RIMS2: variants seen among roughly 807,000 people sequenced by gnomAD.
RIMS2 encodes the protein regulating synaptic membrane exocytosis 2.
In RIMS2, 59 loss-of-function variants were observed where a neutral mutation model predicts 174.4. The ratio of observed to expected loss-of-function variants is 0.34; its 90% CI spans 0.27 to 0.42. The LOEUF is 0.42. RIMS2 is among the 10% of genes least tolerant of loss of function. RIMS2 has a pLI of 1.00. For missense variants in RIMS2, 1,620 were observed against 1,666.3 expected (o/e 0.97, Z 0.48); for synonymous variants, 606 against 572.5 (o/e 1.06, Z -0.84).
intron 4 of RIMS2, among the ~76,000 whole-genome samples, chr8:103,892,580 C>T (rs2099253111): frequency 6.6e-6 from 1 of 152,088 alleles, no homozygotes. Context: ...TATGTATTCA[C>T]TCCACCTATC....
At chr8:103,825,832 T>A (rs990986849) in intron 3 of RIMS2, among the ~76,000 whole-genome samples, 9 of 152,200 alleles carry the variant, frequency 5.9e-5, no homozygotes, top group African/African-American at 1.7e-4. Context: ...TAAATGATAC[T>A]TATCTACAGT....
intron 14 of RIMS2, among the ~76,000 whole-genome samples, chr8:103,953,841 C>G (rs995629885): frequency 1.3e-5 from 2 of 151,980 alleles, no homozygotes; most frequent in African/African-American, 4.8e-5. Context: ...CATCAGTGTG[C>G]TGTATTCAGG....
At chr8:103,705,834 C>CT (rs1282375110) in intron 2 of RIMS2, among the ~76,000 whole-genome samples, 703 of 141,710 alleles carry the variant, frequency 5.0e-3, no homozygotes, top group East Asian at 0.012. Flanking sequence ...ATATTTGGAT[C>CT]TTTTTTTTTT....
At chr8:103,731,607 T>C (rs1000471611) in intron 2 of RIMS2, among the ~76,000 whole-genome samples, 3 of 152,204 alleles carry the variant, frequency 2.0e-5, no homozygotes, top group Non-Finnish European at 4.4e-5. Context: ...TTTCTAAATC[T>C]TGTAGTCCTG....
chr8:103,934,266 C>A (rs2154533782), intron 12 of RIMS2, among the ~76,000 whole-genome samples: 1 of 152,088 alleles, frequency 6.6e-6, no homozygotes, highest in African/African-American at 2.4e-5. Flanking sequence ...TTTGATGATT[C>A]ATTAAAAGAT....
chr8:104,006,323 G>A (rs950589110), intron 17 of RIMS2, among the ~76,000 whole-genome samples: 2 of 152,226 alleles, frequency 1.3e-5, no homozygotes, highest in South Asian at 4.1e-4. Context: ...GCCGAGGTGG[G>A]CGGATCACCT....
At chr8:104,214,946 C>T (rs1255300120) in intron 19 of RIMS2, among the ~76,000 whole-genome samples, 4 of 152,136 alleles carry the variant, frequency 2.6e-5, no homozygotes, top group East Asian at 1.9e-4. Flanking sequence ...GAATGTTTTC[C>T]GTGGGCTCTT....
intron 19 of RIMS2, among the ~76,000 whole-genome samples, chr8:104,119,381 A>C (rs1295346570): frequency 6.6e-6 from 1 of 152,000 alleles, no homozygotes; most frequent in Non-Finnish European, 1.5e-5. Context: ...AAACAAAAAA[A>C]ACCCATAATT....
intron 1 of RIMS2, among the ~76,000 whole-genome samples, chr8:103,519,507 C>T (rs1244833442): frequency 6.6e-6 from 1 of 152,068 alleles, no homozygotes; most frequent in Non-Finnish European, 1.5e-5. Context: ...CATTTCTCAG[C>T]TTTGTCCCAG....
At chr8:103,904,220 T>C (rs2073878917) in intron 4 of RIMS2, among the ~76,000 whole-genome samples, 1 of 152,116 alleles carries the variant, frequency 6.6e-6, no homozygotes, top group Non-Finnish European at 1.5e-5. Context: ...TGAGTTTTTT[T>C]CCAATTCATA....
chr8:104,253,287 C>A (rs1024053658), downstream of RIMS2: 10 of 152,028 alleles, frequency 6.6e-5, no homozygotes, highest in Non-Finnish European at 1.2e-4. Context: ...GTTTTTTAAT[C>A]ATTTAAAGCA....
At chr8:103,522,469 A>G (rs937093242) in intron 1 of RIMS2, among the ~76,000 whole-genome samples, 1 of 152,132 alleles carries the variant, frequency 6.6e-6, no homozygotes, top group Non-Finnish European at 1.5e-5. Context: ...AGACAGTGTT[A>G]CTAGTGGCAG....
chr8:103,510,384 C>A (rs1203348895), intron 1 of RIMS2, among the ~76,000 whole-genome samples: 1 of 152,146 alleles, frequency 6.6e-6, no homozygotes, highest in East Asian at 1.9e-4. Flanking sequence ...AGTCTTCAAT[C>A]TGAAAGAATT....
At chr8:104,003,391 TAGAG>T (rs1197058924) in intron 17 of RIMS2, among the ~76,000 whole-genome samples, 1 of 151,818 alleles carries the variant, frequency 6.6e-6, no homozygotes, top group Non-Finnish European at 1.5e-5. Flanking sequence ...TCTGGAATGA[TAGAG>T]AGTGTTCCAC....
intron 3 of RIMS2, among the ~76,000 whole-genome samples, chr8:103,788,456 A>G (rs1172900333): frequency 6.8e-6 from 1 of 146,836 alleles, no homozygotes; most frequent in African/African-American, 2.5e-5. Context: ...TTTGGTGTGG[A>G]TGTCCTTTCT....
At chr8:103,957,340 G>A (rs1358978562) in intron 14 of RIMS2, among the ~76,000 whole-genome samples, 1 of 152,130 alleles carries the variant, frequency 6.6e-6, no homozygotes, top group Non-Finnish European at 1.5e-5. Flanking sequence ...GCAAAGACTT[G>A]GAACCAACCC....
chr8:104,181,368 T>C (rs566534511), intron 19 of RIMS2, among the ~76,000 whole-genome samples: 9 of 151,774 alleles, frequency 5.9e-5, no homozygotes, highest in African/African-American at 1.9e-4. Context: ...TCTAAGATAT[T>C]ACTTGTGATC....
At chr8:103,618,223 C>G (rs144549253) in intron 1 of RIMS2, among the ~76,000 whole-genome samples, 18 of 152,108 alleles carry the variant, frequency 1.2e-4, no homozygotes, top group Admixed American at 3.9e-4. Flanking sequence ...AACACAGGAA[C>G]AGAAAGCCAA....
chr8:103,572,884 G>C (rs773215544), intron 1 of RIMS2, among the ~76,000 whole-genome samples: 2 of 152,074 alleles, frequency 1.3e-5, no homozygotes, highest in African/African-American at 4.8e-5. Context: ...TTCTTTTGCT[G>C]TAGAGAAGCT....
Sources: gnomAD v4.1 joint callset for allele counts (sites outside exome capture counted in the v4.1 genomes callset) on GRCh38, gnomAD v4.1.1 for gene constraint, MANE v1.5 for transcripts, NCBI Gene and HGNC (gene_info 2026-07-23, HGNC 2026-07-21) for gene names.